Variants in ATP8A2 observed in about 807,000 individuals in gnomAD.
ATP8A2 encodes ATPase phospholipid transporting 8A2, also known as phospholipid-transporting ATPase IB.
ATP8A2 carries 100 observed loss-of-function variants against 165.6 expected under a neutral mutation model. The ratio of observed to expected loss-of-function variants is 0.60; its 90% CI spans 0.51 to 0.71. ATP8A2 has a LOEUF of 0.71. ATP8A2 is among the 30% of genes least tolerant of loss of function. The probability of loss-of-function intolerance (pLI) is 0.00; values close to 1 mark genes in which losing one functional copy is unlikely to be tolerated. For missense variants in ATP8A2, 1,227 were observed against 1,479.5 expected, an observed-to-expected ratio of 0.83 and a Z score of 2.80; for synonymous variants, 543 against 548.8, an observed-to-expected ratio of 0.99 and a Z score of 0.15.
rs192821091 is a variant in ATP8A2, at chr13:25,895,919, T to C, written c.3183+33511T>C. ...TTTTATTGCATCCATTTGATTCTTC[T>C]CTCTCTTCTTCTTTATTAGTCTTGC... On this transcript the variant is annotated intron_variant, in intron 33 of 36. Transcript: ENST00000381655. Among the ~76,000 whole-genome samples the C allele has an allele frequency of 5.7e-4, 86 of 152,174 alleles. No individual in the cohort carries two copies. In the East Asian group the frequency reaches 0.015, roughly 27 times the overall value.
chr13:25,771,397 T>A (rs1182127485), intron 26 of ATP8A2, among the ~76,000 whole-genome samples: 2 of 152,206 alleles, frequency 1.3e-5, no homozygotes, highest in African/African-American at 4.8e-5. Context: ...CACCCCAGCA[T>A]TATTAAATAC....
intron 35 of ATP8A2, among the ~76,000 whole-genome samples, chr13:25,969,069 T>C (rs1040255466): frequency 6.6e-6 from 1 of 152,250 alleles, no homozygotes; most frequent in Admixed American, 6.5e-5. Flanking sequence ...GTGTGAAGGT[T>C]TGCATGTGAA....
At chr13:25,457,399 A>G (rs1468544014) in intron 1 of ATP8A2, among the ~76,000 whole-genome samples, 3 of 152,234 alleles carry the variant, frequency 2.0e-5, no homozygotes, top group Admixed American at 6.5e-5. Flanking sequence ...GGACATATCA[A>G]TGATCATATA....
At chr13:25,488,488 C>A (rs745757608) in intron 2 of ATP8A2, among the ~76,000 whole-genome samples, 1 of 152,164 alleles carries the variant, frequency 6.6e-6, no homozygotes, top group Non-Finnish European at 1.5e-5. Context: ...TGCCTGTAAT[C>A]CCAGCACTTT....
chr13:26,014,077 C>T (rs1393589124), intron 36 of ATP8A2, among the ~76,000 whole-genome samples: 1 of 152,146 alleles, frequency 6.6e-6, no homozygotes, highest in Non-Finnish European at 1.5e-5. Flanking sequence ...AGAGGTAAGT[C>T]AAGAAGTTTG....
chr13:25,412,702 G>A (rs1392038963), intron 1 of ATP8A2, among the ~76,000 whole-genome samples: 1 of 152,114 alleles, frequency 6.6e-6, no homozygotes, highest in African/African-American at 2.4e-5. Context: ...GGAAATGGGG[G>A]AATCATAGAT....
intron 36 of ATP8A2, among the ~76,000 whole-genome samples, chr13:26,016,060 G>A (rs560324045): frequency 8.5e-5 from 13 of 152,264 alleles, no homozygotes; most frequent in African/African-American, 3.1e-4. Context: ...CGCCAGGCCT[G>A]GTTTCTAAGA....
chr13:25,889,275 A>ATATAT (rs1566239890), intron 33 of ATP8A2, among the ~76,000 whole-genome samples: 13 of 84,938 alleles, frequency 1.5e-4, no homozygotes, highest in African/African-American at 7.4e-4. Flanking sequence ...TATATATATA[A>ATATAT]AATTTAAATG....
chr13:25,623,885 T>TATATATATATATATATATATATATATATA (rs2041037235), intron 24 of ATP8A2, among the ~76,000 whole-genome samples: 1 of 151,042 alleles, frequency 6.6e-6, no homozygotes, highest in African/African-American at 2.5e-5. Context: ...TACCTATATA[T>TATATATATATATATATATATATATATATA]GCATATATCT....
intron 12 of ATP8A2, among the ~76,000 whole-genome samples, chr13:25,554,386 G>C (rs760612015): frequency 2.6e-5 from 4 of 152,130 alleles, no homozygotes; most frequent in Non-Finnish European, 5.9e-5. Context: ...TGTAGACCAG[G>C]CACTTTGATG....
intron 10 of ATP8A2, among the ~76,000 whole-genome samples, chr13:25,548,471 G>A (rs2038720215): frequency 6.6e-6 from 1 of 152,208 alleles, no homozygotes; most frequent in Admixed American, 6.5e-5. Flanking sequence ...GTATAGAAAT[G>A]AGGTTTATGA....
At chr13:25,381,025 G>T (rs2032818841) in intron 1 of ATP8A2, among the ~76,000 whole-genome samples, 1 of 152,072 alleles carries the variant, frequency 6.6e-6, no homozygotes, top group African/African-American at 2.4e-5. Flanking sequence ...AAATGAACTG[G>T]GTCATGGCAC....
intron 2 of ATP8A2, among the ~76,000 whole-genome samples, chr13:25,483,844 G>A (rs116591030): frequency 1.6e-3 from 249 of 152,302 alleles, no homozygotes; most frequent in African/African-American, 5.8e-3. Flanking sequence ...TGGTTATTAC[G>A]AATGTTGTTC....
intron 1 of ATP8A2, among the ~76,000 whole-genome samples, chr13:25,434,473 C>T (rs535877501): frequency 3.3e-5 from 5 of 151,972 alleles, no homozygotes; most frequent in Admixed American, 1.3e-4. Context: ...CTCAGCCATC[C>T]GAGTAGCTGG....
At chr13:25,542,952 A>C (rs1216647845) in intron 9 of ATP8A2, among the ~76,000 whole-genome samples, 1 of 152,148 alleles carries the variant, frequency 6.6e-6, no homozygotes, top group Non-Finnish European at 1.5e-5. Context: ...TTCCAATAAT[A>C]ATACTTAACT....
intron 1 of ATP8A2, among the ~76,000 whole-genome samples, chr13:25,465,727 CTTTCTTT>C (rs1566153460): frequency 3.0e-4 from 18 of 59,388 alleles, no homozygotes; most frequent in South Asian, 7.5e-4. Context: ...TTCTTTCTTT[CTTTCTTT>C]CTTTCCCTCC....
chr13:25,896,283 G>T (rs990613932), intron 33 of ATP8A2, among the ~76,000 whole-genome samples: 1 of 152,036 alleles, frequency 6.6e-6, no homozygotes, highest in Non-Finnish European at 1.5e-5. Flanking sequence ...CCTTCATTTC[G>T]TTATGTACCC....
At chr13:25,632,468 C>G (rs574246824) in intron 24 of ATP8A2, among the ~76,000 whole-genome samples, 3 of 152,158 alleles carry the variant, frequency 2.0e-5, no homozygotes, top group Admixed American at 1.3e-4. Flanking sequence ...CATTAACATG[C>G]GAAAGACATC....
At chr13:26,012,876 C>T (rs1391575349) in intron 36 of ATP8A2, among the ~76,000 whole-genome samples, 1 of 152,216 alleles carries the variant, frequency 6.6e-6, no homozygotes, top group Non-Finnish European at 1.5e-5. Context: ...ATCCTTCCGT[C>T]AGCCTCCCAA....
Sources: allele counts gnomAD v4.1 joint callset (sites outside exome capture counted in the v4.1 genomes callset), GRCh38; gene constraint gnomAD v4.1.1; transcripts MANE v1.5; gene names NCBI Gene and HGNC (gene_info 2026-07-23, HGNC 2026-07-21).